Variants in SKAP2 observed in about 807,000 individuals in gnomAD.
The protein encoded by SKAP2 is src kinase-associated phosphoprotein 2.
A neutral mutation model predicts 54.9 loss-of-function variants in SKAP2; 28 were observed. The ratio of observed to expected loss-of-function variants is 0.51; its 90% CI spans 0.38 to 0.70. The LOEUF (loss-of-function observed/expected upper bound fraction) is 0.70, where lower values mean the gene tolerates loss of function less well. SKAP2 is among the 30% of genes least tolerant of loss of function. The probability of loss-of-function intolerance (pLI) is 0.00; values close to 1 mark genes in which losing one functional copy is unlikely to be tolerated. For missense variants in SKAP2, 356 were observed against 424.1 expected (o/e 0.84, Z 1.41); for synonymous variants, 137 against 134.3 (o/e 1.02, Z -0.14).
At chr7:26,857,241 T>C (rs565245020) in intron 1 of SKAP2, among the ~76,000 whole-genome samples, 35 of 139,650 alleles carry the variant, frequency 2.5e-4, no homozygotes, top group African/African-American at 9.2e-4. Flanking sequence ...CTAAAATTAT[T>C]TAATAAACAG....
rs554614145 is a variant in SKAP2, at chr7:26,810,672, T to C, written c.307+33358A>G. 2.0e-5 allele frequency among the ~76,000 whole-genome samples: 3 copies of C among 152,216 alleles called. No homozygotes were observed. In the South Asian group the frequency reaches 6.2e-4, roughly 32 times the overall value. On this transcript the variant is annotated intron_variant, in intron 4 of 12. Transcript: ENST00000345317. Reference sequence around the variant, plus strand: ...CATCATGCTGTGTACCATATATATATATACATGTTTTTGTTTGTTTTTTTC... The same window carrying C: ...CATCATGCTGTGTACCATATATATACATACATGTTTTTGTTTGTTTTTTTC...
At chr7:26,726,791 CAAGGA>C (rs1787719195) in intron 7 of SKAP2, 86 bp downstream of exon 7, 1 of 1,015,284 alleles carries the variant, frequency 9.8e-7, no homozygotes, top group Non-Finnish European at 1.4e-6. Flanking sequence ...GTTAACATGT[CAAGGA>C]AAGTATTAAT....
rs1291737448 is a variant in SKAP2 at position 26,667,987 on chromosome 7, G to A, written c.*1679C>T. On this transcript the variant is annotated 3_prime_UTR_variant, in exon 13 of 13. Coordinates refer to ENST00000345317, the MANE Select transcript of SKAP2 (RefSeq NM_003930.5). ...TAAGAACTGCACAAATGTAACTTCT[G>A]AAAACTTTAACTTCACAATGTCTCT... 6.6e-6 allele frequency: 1 copy of A among 151,968 alleles called. No individual in the cohort carries two copies. Among genetic ancestry groups the A allele is most frequent in the Non-Finnish European group, 1.5e-5 (1 of 67,998 alleles). 9.4% of individuals were successfully genotyped at this position (151,968 alleles called of 1,614,324 possible).
At chr7:26,671,078 T>C (rs1786226709) in intron 11 of SKAP2, among the ~76,000 whole-genome samples, 2 of 152,118 alleles carry the variant, frequency 1.3e-5, no homozygotes, top group Admixed American at 1.3e-4. Context: ...ACACCACTGC[T>C]TTAGGCATTG....
intron 9 of SKAP2, among the ~76,000 whole-genome samples, chr7:26,715,108 G>T (rs1787401162): frequency 6.6e-6 from 1 of 152,074 alleles, no homozygotes; most frequent in Non-Finnish European, 1.5e-5. Context: ...AAACATAAAA[G>T]CCTAGCCCCA....
At chr7:26,689,844 C>G (rs1786742848) in intron 10 of SKAP2, among the ~76,000 whole-genome samples, 1 of 152,082 alleles carries the variant, frequency 6.6e-6, no homozygotes, top group Non-Finnish European at 1.5e-5. Context: ...ACTTGTTGTC[C>G]CCTGTTAGTC....
At chr7:26,773,353 A>G (rs2127975730) in intron 4 of SKAP2, among the ~76,000 whole-genome samples, 1 of 152,298 alleles carries the variant, frequency 6.6e-6, no homozygotes, top group East Asian at 1.9e-4. Context: ...CCTTCTGAGG[A>G]TGAAGGCAAG....
At chr7:26,861,863 A>G (rs1785278788) in intron 1 of SKAP2, among the ~76,000 whole-genome samples, 1 of 151,924 alleles carries the variant, frequency 6.6e-6, no homozygotes, top group Non-Finnish European at 1.5e-5. Flanking sequence ...ACAAACAGAT[A>G]CATCTAAGCA....
intron 4 of SKAP2, among the ~76,000 whole-genome samples, chr7:26,799,277 T>A (rs1479023240): frequency 2.9e-5 from 4 of 136,270 alleles, no homozygotes; most frequent in African/African-American, 5.2e-5. Context: ...ACGGGCTGAA[T>A]GGAAGAAAAA....
chr7:26,655,368 AC>A, the SKAP2 span, among the ~76,000 whole-genome samples: 3 of 151,926 alleles, frequency 2.0e-5, no homozygotes, highest in African/African-American at 7.3e-5. Context: ...ATTGCTGTTG[AC>A]CATTGTCTTG....
chr7:26,727,388 C>T (rs116473675), intron 6 of SKAP2, among the ~76,000 whole-genome samples: 1,793 of 152,120 alleles, frequency 0.012, 36 homozygotes, highest in African/African-American at 0.04. Flanking sequence ...CGGGCTTTAT[C>T]TACTGTTATC....
At chr7:26,761,271 A>C (rs1490600213) in intron 4 of SKAP2, among the ~76,000 whole-genome samples, 3 of 152,212 alleles carry the variant, frequency 2.0e-5, no homozygotes, top group Admixed American at 2.0e-4. Context: ...ACTGCAATTA[A>C]AAAATTTAAT....
At chr7:26,799,114 A>ACAAGGCAAGGCAAGG (rs111943470) in intron 4 of SKAP2, among the ~76,000 whole-genome samples, 61 of 148,878 alleles carry the variant, frequency 4.1e-4, no homozygotes, top group Non-Finnish European at 1.9e-4. Flanking sequence ...GCAAGGCAAG[A>ACAAGGCAAGGCAAGG]CAAGGCAAGG....
chr7:26,845,300 G>C (rs565245942), intron 3 of SKAP2, among the ~76,000 whole-genome samples: 311 of 152,144 alleles, frequency 2.0e-3, no homozygotes, highest in Admixed American at 3.7e-3. Context: ...CCACATTTTT[G>C]GTAGAGAAAA....
At chr7:26,655,620 G>T in the SKAP2 span, among the ~76,000 whole-genome samples, 2 of 152,134 alleles carry the variant, frequency 1.3e-5, no homozygotes, top group African/African-American at 2.4e-5. Context: ...TAAAGTAACT[G>T]GTTTCTATGT....
chr7:26,730,868 T>G lies in SKAP2; in HGVS notation c.470-3862A>C, dbSNP rs929208226. 2.6e-5 allele frequency among the ~76,000 whole-genome samples: 4 copies of G among 151,638 alleles called. No homozygotes were observed. The South Asian group carries it at 6.3e-4, about 24-fold the overall frequency. On this transcript the variant is annotated intron_variant, in intron 6 of 12. Coordinates refer to ENST00000345317, the MANE Select transcript of SKAP2 (RefSeq NM_003930.5). ...TAGGTTTACAGCTGTGTTCTGGGGG[T>G]TTTTTAAGCTGTCAAAAAGACAACT... is the stretch of plus-strand genomic sequence containing the variant.
chr7:26,697,252 G>A (rs896973530), intron 9 of SKAP2, among the ~76,000 whole-genome samples: 1 of 152,168 alleles, frequency 6.6e-6, no homozygotes, highest in African/African-American at 2.4e-5. Context: ...TGCTCGAGAA[G>A]CACTCCTTTG....
chr7:26,742,812 T>C (rs12334154), intron 4 of SKAP2, among the ~76,000 whole-genome samples: 12,904 of 152,196 alleles, frequency 0.085, 608 homozygotes, highest in Middle Eastern at 0.16. Flanking sequence ...TTGTATATCA[T>C]CATGAGCATA....
At chr7:26,751,718 T>G (rs988498148) in intron 4 of SKAP2, among the ~76,000 whole-genome samples, 1 of 152,178 alleles carries the variant, frequency 6.6e-6, no homozygotes, top group Non-Finnish European at 1.5e-5. Flanking sequence ...AACTCTTTTT[T>G]CAATATAGAT....
Sources: gnomAD v4.1 joint callset for allele counts (sites outside exome capture counted in the v4.1 genomes callset) on GRCh38, gnomAD v4.1.1 for gene constraint, MANE v1.5 for transcripts, NCBI Gene and HGNC (gene_info 2026-07-23, HGNC 2026-07-21) for gene names.